CHN1: variants seen among roughly 807,000 people sequenced by gnomAD.
CHN1 encodes N-chimaerin.
A neutral mutation model predicts 59.5 loss-of-function variants in CHN1; 37 were observed. The observed-to-expected ratio is 0.62, with a 90% CI of 0.48 to 0.82. CHN1 has a LOEUF of 0.82. Among genes scored for constraint, CHN1 ranks in the 40% least tolerant of loss-of-function variants. The probability of loss-of-function intolerance (pLI) is 0.00; values close to 1 mark genes in which losing one functional copy is unlikely to be tolerated. For synonymous variants in CHN1, 206 were observed against 200.4 expected (o/e 1.03, Z -0.24); for missense variants, 469 against 571.0 (o/e 0.82, Z 1.82).
intron 1 of CHN1, among the ~76,000 whole-genome samples, chr2:175,001,022 AG>A (rs1318447577): frequency 2.6e-5 from 4 of 152,206 alleles, no homozygotes; most frequent in Admixed American, 6.5e-5. Context: ...GAACTCAAGC[AG>A]TTCTCTTGCC....
At chr2:174,986,861 C>T (rs188245701) in intron 1 of CHN1, among the ~76,000 whole-genome samples, 13 of 152,250 alleles carry the variant, frequency 8.5e-5, no homozygotes, top group Non-Finnish European at 1.3e-4. Context: ...CTCAGCCTCC[C>T]GAGTAGCTGG....
chr2:174,894,440 A>G (rs1688147132), intron 5 of CHN1, among the ~76,000 whole-genome samples: 1 of 152,166 alleles, frequency 6.6e-6, no homozygotes, highest in Non-Finnish European at 1.5e-5. Flanking sequence ...CATGCCCATT[A>G]AAATGACCAC....
intron 1 of CHN1, among the ~76,000 whole-genome samples, chr2:175,000,244 C>T (rs909063862): frequency 1.4e-4 from 21 of 147,792 alleles, no homozygotes; most frequent in African/African-American, 5.0e-4. Flanking sequence ...GGGGTTCAAG[C>T]GATTCTCCTG....
At chr2:174,861,817 C>G (rs1410096301) in intron 6 of CHN1, among the ~76,000 whole-genome samples, 1 of 152,202 alleles carries the variant, frequency 6.6e-6, no homozygotes, top group African/African-American at 2.4e-5. Context: ...GATTCATGAA[C>G]TGTAGTTTTC....
intron 6 of CHN1, among the ~76,000 whole-genome samples, chr2:174,873,162 G>T (rs1409577044): frequency 1.3e-5 from 2 of 152,062 alleles, no homozygotes; most frequent in African/African-American, 4.8e-5. Context: ...GTAACCCTGG[G>T]CATAACTGGC....
chr2:174,966,744 GAGA>G (rs1039827794), intron 1 of CHN1, among the ~76,000 whole-genome samples: 3 of 152,156 alleles, frequency 2.0e-5, no homozygotes, highest in African/African-American at 7.2e-5. Flanking sequence ...AATCTGAGGT[GAGA>G]AGAAGAGAAC....
chr2:174,840,471 CCCTTCCTATGA>C (rs1457524200), intron 7 of CHN1, among the ~76,000 whole-genome samples: 1 of 152,066 alleles, frequency 6.6e-6, no homozygotes, highest in Non-Finnish European at 1.5e-5. Flanking sequence ...TGGCCCCAAA[CCCTTCCTATGA>C]CCTTCTCATC....
intron 6 of CHN1, among the ~76,000 whole-genome samples, chr2:174,850,170 T>A (rs1451353861): frequency 2.0e-5 from 3 of 152,226 alleles, no homozygotes; most frequent in Admixed American, 2.0e-4. Flanking sequence ...AACCTCACAG[T>A]CTTTCACTGG....
chr2:174,933,921 A>G (rs1362103575), intron 3 of CHN1, among the ~76,000 whole-genome samples: 2 of 152,168 alleles, frequency 1.3e-5, no homozygotes, highest in Non-Finnish European at 2.9e-5. Flanking sequence ...AAGTTTGTGG[A>G]AGTTCTCTTC....
chr2:174,824,355 A>C (rs1685610579), intron 8 of CHN1, 79 bp downstream of exon 8: 1 of 1,109,146 alleles, frequency 9.0e-7, no homozygotes, highest in Non-Finnish European at 1.3e-6. Context: ...CTGGATATGC[A>C]TAACAACAAG....
intron 6 of CHN1, among the ~76,000 whole-genome samples, chr2:174,861,254 T>C (rs951411118): frequency 4.6e-5 from 7 of 152,112 alleles, no homozygotes; most frequent in Non-Finnish European, 1.0e-4. Flanking sequence ...GTAGAATGTA[T>C]GGAATATACA....
At chr2:174,869,794 T>A (rs1558960001) in intron 6 of CHN1, among the ~76,000 whole-genome samples, 1 of 152,200 alleles carries the variant, frequency 6.6e-6, no homozygotes, top group African/African-American at 2.4e-5. Flanking sequence ...CACTATGAAC[T>A]TAGGCAGCAG....
At chr2:174,955,180 ATATC>A (rs1421748972) in intron 1 of CHN1, among the ~76,000 whole-genome samples, 3 of 9,326 alleles carry the variant, frequency 3.2e-4, no homozygotes, top group East Asian at 2.5e-3. Flanking sequence ...CTATATATCT[ATATC>A]TATATATATA....
chr2:174,882,721 A>G (rs556895652), intron 5 of CHN1, among the ~76,000 whole-genome samples: 2 of 152,332 alleles, frequency 1.3e-5, no homozygotes, highest in Admixed American at 1.3e-4. Context: ...TCATAAATAT[A>G]TATTTGTCTG....
At chr2:174,891,109 C>T (rs868525872) in intron 5 of CHN1, among the ~76,000 whole-genome samples, 43 of 131,724 alleles carry the variant, frequency 3.3e-4, no homozygotes, top group African/African-American at 1.2e-3. Flanking sequence ...CCACTGCACT[C>T]CAGCTTGGGC....
intron 8 of CHN1, chr2:174,821,714 G>T: frequency 2.2e-6 from 1 of 462,824 alleles, no homozygotes. Context: ...CTTGGAAGCA[G>T]AGTTGGACCC....
chr2:174,957,303 G>A (rs1690237450), intron 1 of CHN1, among the ~76,000 whole-genome samples: 1 of 152,122 alleles, frequency 6.6e-6, no homozygotes, highest in Non-Finnish European at 1.5e-5. Flanking sequence ...AAGAGGACTT[G>A]TTTACAGCGT....
At chr2:174,813,572 A>G (rs1368422148) in intron 8 of CHN1, among the ~76,000 whole-genome samples, 1 of 152,236 alleles carries the variant, frequency 6.6e-6, no homozygotes. Flanking sequence ...AGAAAAGTAC[A>G]AAGAAATTTT....
chr2:174,867,006 A>G lies in CHN1; in HGVS notation c.549+10834T>C, dbSNP rs1412570214. On this transcript the variant is annotated intron_variant, in intron 6 of 12. Transcript: ENST00000409900. ...AATGAAAAAGCCATTTTGCAAGACTAAACAAAATTCTAAACTTACAAAGAC... is the reference window on the plus strand; with the variant it reads ...AATGAAAAAGCCATTTTGCAAGACTGAACAAAATTCTAAACTTACAAAGAC... Among the ~76,000 whole-genome samples, 22 of 152,020 alleles carry G rather than the reference A, an allele frequency of 1.4e-4. 1 individual carries two copies. Among genetic ancestry groups the G allele is most frequent in the Non-Finnish European group, 1.5e-5 (1 of 68,004 alleles).
Sources: allele counts gnomAD v4.1 joint callset (sites outside exome capture counted in the v4.1 genomes callset), GRCh38; gene constraint gnomAD v4.1.1; transcripts MANE v1.5; gene names NCBI Gene and HGNC (gene_info 2026-07-23, HGNC 2026-07-21).